Variants in BNC2 observed in about 807,000 individuals in gnomAD.
BNC2 encodes basonuclin zinc finger protein 2, also known as zinc finger protein basonuclin-2.
A neutral mutation model predicts 76.3 loss-of-function variants in BNC2; 20 were observed. That is an observed-to-expected ratio of 0.26 (90% confidence interval 0.18 to 0.38). The LOEUF (loss-of-function observed/expected upper bound fraction) is 0.38, where lower values mean the gene tolerates loss of function less well. Ranked by LOEUF, BNC2 falls within the 10% of genes least tolerant of loss-of-function variation. The pLI is 1.00. For missense variants in BNC2, 1,382 were observed against 1,399.8 expected (o/e 0.99, Z 0.20); for synonymous variants, 582 against 514.8 (o/e 1.13, Z -1.77).
rs1220327938 is a variant in BNC2, at chr9:16,663,128, C to CTTTTTTTTTTTTTTT, written c.330+64668_330+64669insAAAAAAAAAAAAAAA. Among the ~76,000 whole-genome samples, 154 of 51,638 alleles carry CTTTTTTTTTTTTTTT rather than the reference C, an allele frequency of 3.0e-3. 3 individuals carry two copies. The highest frequency in any genetic ancestry group is 9.7e-3 in the African/African-American group (141 of 14,554). The allele number at this position is 51,638 out of a possible 152,430, so 33.9% of individuals were successfully genotyped here. ...ATCCATAGGCACTCCACTCTGTTTA[C>CTTTTTTTTTTTTTTT]TCTTTTTTTTTTTTTTTTGGAGACG... is the stretch of plus-strand genomic sequence containing the variant. On this transcript the variant is annotated intron_variant, in intron 3 of 6. Transcript: ENST00000380672.
intron 2 of BNC2, among the ~76,000 whole-genome samples, chr9:16,737,238 C>CTTTTTTTTT (rs559930240): frequency 5.0e-4 from 46 of 91,308 alleles, no homozygotes; most frequent in East Asian, 7.1e-4. Flanking sequence ...CACACCTGGC[C>CTTTTTTTTT]TTTTTTTTTT....
chr9:16,482,039 A>G (rs1366815399), intron 5 of BNC2, among the ~76,000 whole-genome samples: 1 of 152,246 alleles, frequency 6.6e-6, no homozygotes, highest in Non-Finnish European at 1.5e-5. Flanking sequence ...AAACACATAT[A>G]AAAACCTTAG....
chr9:16,589,287 A>G (rs971090225), intron 3 of BNC2, among the ~76,000 whole-genome samples: 39 of 150,148 alleles, frequency 2.6e-4, no homozygotes, highest in Non-Finnish European at 3.0e-5. Context: ...TTGGGCTCAA[A>G]CAATCCTCCC....
At chr9:16,807,610 T>C (rs903447910) in intron 1 of BNC2, among the ~76,000 whole-genome samples, 2 of 152,172 alleles carry the variant, frequency 1.3e-5, no homozygotes, top group Admixed American at 1.3e-4. Context: ...TAAAACGTTC[T>C]AAACACTATC....
At chr9:16,510,143 G>T (rs933299361) in intron 5 of BNC2, among the ~76,000 whole-genome samples, 3 of 152,172 alleles carry the variant, frequency 2.0e-5, no homozygotes, top group African/African-American at 7.2e-5. Flanking sequence ...TCAAGGAAGC[G>T]CTAGCCACAC....
chr9:16,560,013 G>A (rs1195353152), intron 4 of BNC2, among the ~76,000 whole-genome samples: 1 of 152,250 alleles, frequency 6.6e-6, no homozygotes, highest in African/African-American at 2.4e-5. Context: ...AGGCAAGAAA[G>A]GAGGAGGAGA....
Position 16,417,837 on chromosome 9 carries a change from A to G in BNC2, c.*1152T>C, listed in dbSNP as rs1820617119. The stretch of plus-strand genomic sequence containing the variant: ...GTTTTCCTTTTATGTAACTTAACGT[A>G]TAAGCAAGAAGGATGCAATGTTGAT... On this transcript the variant is annotated 3_prime_UTR_variant, in exon 7 of 7. Coordinates refer to ENST00000380672, the MANE Select transcript of BNC2 (RefSeq NM_017637.6). The G allele has an allele frequency of 6.5e-6, 1 of 152,692 alleles. No individual in the cohort carries two copies. Among genetic ancestry groups the G allele is most frequent in the East Asian group, 1.9e-4 (1 of 5,204 alleles). The allele number at this position is 152,692 out of a possible 1,614,324, so 9.5% of individuals were successfully genotyped here.
rs1284646636 is a variant in BNC2 at position 16,417,739 on chromosome 9, G to A, written c.*1250C>T. 1 of 152,590 alleles carries A rather than the reference G, an allele frequency of 6.6e-6. No homozygotes were observed. The highest frequency in any genetic ancestry group is 1.5e-5 in the Non-Finnish European group (1 of 68,030). 9.5% of individuals were successfully genotyped at this position (152,590 alleles called of 1,614,324 possible). A position where few individuals can be genotyped will look rare whatever the true frequency, so the allele number is the denominator to read the frequency against. On this transcript the variant is annotated 3_prime_UTR_variant, in exon 7 of 7. Transcript: ENST00000380672. ...TCTTTGTTCCGTAGCGGGTAATTTGGGCTTTTGTATCCTGAAATATTATCC... is the reference window on the plus strand; with the variant it reads ...TCTTTGTTCCGTAGCGGGTAATTTGAGCTTTTGTATCCTGAAATATTATCC...
At chr9:16,570,252 T>G (rs1408292803) in intron 4 of BNC2, among the ~76,000 whole-genome samples, 1 of 152,184 alleles carries the variant, frequency 6.6e-6, no homozygotes, top group Admixed American at 6.5e-5. Context: ...AAAGCCAGCA[T>G]CTGGTAGGGA....
intron 1 of BNC2, among the ~76,000 whole-genome samples, chr9:16,797,388 T>C (rs1161568838): frequency 6.6e-6 from 1 of 152,184 alleles, no homozygotes; most frequent in Non-Finnish European, 1.5e-5. Flanking sequence ...GACATCCCTC[T>C]GAAAATACAT....
intron 3 of BNC2, among the ~76,000 whole-genome samples, chr9:16,610,025 G>C (rs981514445): frequency 2.6e-5 from 4 of 152,058 alleles, no homozygotes; most frequent in African/African-American, 9.7e-5. Context: ...CAAATCATTT[G>C]TATCTCATCC....
intron 5 of BNC2, among the ~76,000 whole-genome samples, chr9:16,442,542 G>C (rs1821148158): frequency 6.6e-6 from 1 of 152,204 alleles, no homozygotes. Context: ...AGGTTGATTG[G>C]TTTCCCTTAT....
intron 1 of BNC2, among the ~76,000 whole-genome samples, chr9:16,747,097 T>C (rs1825032430): frequency 1.3e-5 from 2 of 152,176 alleles, no homozygotes; most frequent in South Asian, 2.1e-4. Flanking sequence ...CAAAGTATAC[T>C]ACGAAAGTAC....
intron 3 of BNC2, among the ~76,000 whole-genome samples, chr9:16,660,328 C>T (rs1822073912): frequency 1.3e-5 from 2 of 152,146 alleles, no homozygotes; most frequent in South Asian, 4.1e-4. Flanking sequence ...GTGGCACACG[C>T]CTGTAATCCC....
At chr9:16,803,187 A>G (rs1188212723) in intron 1 of BNC2, among the ~76,000 whole-genome samples, 4 of 152,072 alleles carry the variant, frequency 2.6e-5, no homozygotes, top group Non-Finnish European at 2.9e-5. Flanking sequence ...GGAAGGCACC[A>G]CTCCTTGGCT....
At chr9:16,858,342 T>C (rs1019706592) in intron 1 of BNC2, among the ~76,000 whole-genome samples, 4 of 152,200 alleles carry the variant, frequency 2.6e-5, no homozygotes, top group Non-Finnish European at 4.4e-5. Flanking sequence ...CCAGGGTGTT[T>C]CACAGGGAAC....
chr9:16,445,668 G>C (rs1207676529), intron 5 of BNC2, among the ~76,000 whole-genome samples: 1 of 152,170 alleles, frequency 6.6e-6, no homozygotes, highest in African/African-American at 2.4e-5. Flanking sequence ...CCATGAGTGA[G>C]AGTCTTCAGG....
chr9:16,514,013 A>G (rs1822819945), intron 5 of BNC2, among the ~76,000 whole-genome samples: 1 of 152,226 alleles, frequency 6.6e-6, no homozygotes, highest in Non-Finnish European at 1.5e-5. Context: ...TATTAGCCAG[A>G]TAAGCAGGAA....
intron 5 of BNC2, among the ~76,000 whole-genome samples, chr9:16,458,757 A>G (rs757381768): frequency 8.5e-5 from 13 of 152,350 alleles, no homozygotes; most frequent in Non-Finnish European, 1.8e-4. Flanking sequence ...AGTAACAACT[A>G]CTGTTTACTA....
Sources: allele counts gnomAD v4.1 joint callset (sites outside exome capture counted in the v4.1 genomes callset), GRCh38; gene constraint gnomAD v4.1.1; transcripts MANE v1.5; gene names NCBI Gene and HGNC (gene_info 2026-07-23, HGNC 2026-07-21).